Variants in MAGI3 observed in about 807,000 individuals in gnomAD.
MAGI3 encodes membrane associated guanylate kinase, WW and PDZ domain containing 3.
In MAGI3, 43 loss-of-function variants were observed where a neutral mutation model predicts 121.8. That is an observed-to-expected ratio of 0.35 (90% CI 0.28 to 0.46). MAGI3 has a LOEUF of 0.46. Among genes scored for constraint, MAGI3 ranks in the 20% least tolerant of loss-of-function variants. The pLI, the probability that MAGI3 is intolerant of heterozygous loss-of-function variation, is 1.00. For missense variants in MAGI3, 1,547 were observed against 1,797.3 expected (o/e 0.86, Z 2.52); for synonymous variants, 553 against 639.3 (o/e 0.86, Z 2.04).
rs1438988233 is a variant in MAGI3, at chr1:113,684,169, GGATT to G, written c.*157_*160del. On this transcript the variant is annotated 3_prime_UTR_variant, in exon 21 of 21. Coordinates refer to ENST00000307546, the MANE Select transcript of MAGI3 (RefSeq NM_001142782.2). Reference sequence around the variant, plus strand: ...ACCTAGGCTGCATGAAGGGCCTTTAGGATTGCTAAGAACCAACTGTCCCCCTGGC... The same window carrying G: ...ACCTAGGCTGCATGAAGGGCCTTTAGGCTAAGAACCAACTGTCCCCCTGGC... 143 of 829,762 alleles carry G rather than the reference GGATT, an allele frequency of 1.7e-4. No homozygotes were observed. Among genetic ancestry groups the G allele is most frequent in the Non-Finnish European group, 5.2e-6 (3 of 571,998 alleles). The allele number at this position is 829,762 out of a possible 1,614,324, so 51.4% of individuals were successfully genotyped here. A position where few individuals can be genotyped will look rare whatever the true frequency, so the allele number is the denominator to read the frequency against.
intron 1 of MAGI3, among the ~76,000 whole-genome samples, chr1:113,448,494 T>C (rs1036629792): frequency 1.3e-5 from 2 of 152,220 alleles, no homozygotes; most frequent in African/African-American, 4.8e-5. Context: ...TGTTTTTTAA[T>C]TGATAAATAA....
chr1:113,479,684 A>T (rs1034403616), intron 1 of MAGI3, among the ~76,000 whole-genome samples: 1 of 152,138 alleles, frequency 6.6e-6, no homozygotes, highest in Admixed American at 6.6e-5. Flanking sequence ...CTTTAAATAA[A>T]CTTTATGCCC....
At chr1:113,505,105 A>T (rs1042619363) in intron 1 of MAGI3, among the ~76,000 whole-genome samples, 5 of 152,132 alleles carry the variant, frequency 3.3e-5, no homozygotes, top group Non-Finnish European at 7.4e-5. Context: ...TTAGAGAGTT[A>T]TAATAATACA....
chr1:113,480,481 G>A (rs1656056936), intron 1 of MAGI3, among the ~76,000 whole-genome samples: 1 of 152,116 alleles, frequency 6.6e-6, no homozygotes. Context: ...TGGGTCCACA[G>A]GGGTTGACCT....
At chr1:113,583,600 G>A (rs1002895170) in intron 3 of MAGI3, among the ~76,000 whole-genome samples, 8 of 152,014 alleles carry the variant, frequency 5.3e-5, no homozygotes, top group African/African-American at 1.7e-4. Flanking sequence ...TTGATACTGT[G>A]ATTAATGGGC....
intron 1 of MAGI3, chr1:113,403,881 A>G (rs956874749): frequency 7.2e-5 from 11 of 152,116 alleles, no homozygotes; most frequent in African/African-American, 2.7e-4. Context: ...GGCATACTAC[A>G]AGGAGGAAGT....
At chr1:113,540,356 C>T (rs1170066225) in intron 1 of MAGI3, among the ~76,000 whole-genome samples, 1 of 152,184 alleles carries the variant, frequency 6.6e-6, no homozygotes. Context: ...GAAGCAGACA[C>T]GTACCCACTG....
intron 1 of MAGI3, among the ~76,000 whole-genome samples, chr1:113,505,637 A>G (rs1316068108): frequency 1.3e-5 from 2 of 152,056 alleles, no homozygotes; most frequent in Non-Finnish European, 2.9e-5. Context: ...GGAAGGGAAA[A>G]GGAGAGGAGG....
chr1:113,651,486 C>T (rs181382983), intron 14 of MAGI3, among the ~76,000 whole-genome samples: 26 of 151,978 alleles, frequency 1.7e-4, no homozygotes, highest in African/African-American at 3.9e-4. Context: ...GATTTAAATC[C>T]GGTTTTGTTT....
At chr1:113,679,118 T>G (rs1648050459) in intron 19 of MAGI3, among the ~76,000 whole-genome samples, 1 of 152,182 alleles carries the variant, frequency 6.6e-6, no homozygotes, top group Non-Finnish European at 1.5e-5. Context: ...TTTTAATAAG[T>G]TCAGTGCGGC....
rs747763960 is a variant in MAGI3, at chr1:113,622,918, T to C, written c.1284T>C (p.Asp428=). The change falls in exon 9 of 21, where the codon GAT becomes GAC. Residue 428 remains aspartate (D), a synonymous_variant. Coordinates refer to ENST00000307546, the MANE Select transcript of MAGI3 (RefSeq NM_001142782.2). ...TTGGTTTTACTATTATTGGTGGAGATAGACCTGATGAGTTCCTACAAGTGA... is the reference window on the plus strand; with the variant it reads ...TTGGTTTTACTATTATTGGTGGAGACAGACCTGATGAGTTCCTACAAGTGA... ...MGFGFTIIGG[D]RPDEFLQVKN... 6 of 1,598,370 alleles carry C rather than the reference T, an allele frequency of 3.8e-6. No individual in the cohort carries two copies. The highest frequency in any genetic ancestry group is 1.4e-5 in the African/African-American group (1 of 73,936).
At chr1:113,449,263 A>G (rs1474047202) in intron 1 of MAGI3, among the ~76,000 whole-genome samples, 1 of 152,142 alleles carries the variant, frequency 6.6e-6, no homozygotes. Context: ...ATGACGTCAC[A>G]GTGGAATAGC....
chr1:113,464,533 C>G lies in MAGI3; in HGVS notation c.316+73184C>G, dbSNP rs142601575. On this transcript the variant is annotated intron_variant, in intron 1 of 20. Coordinates refer to ENST00000307546, the MANE Select transcript of MAGI3 (RefSeq NM_001142782.2). Reference sequence around the variant, plus strand: ...ATACCCAGTAGTGGAATGGCTTGATCATATGGTAGTTCTATTTTTTATTTC... The same window carrying G: ...ATACCCAGTAGTGGAATGGCTTGATGATATGGTAGTTCTATTTTTTATTTC... Among the ~76,000 whole-genome samples, 457 of 152,202 alleles carry G rather than the reference C, an allele frequency of 3.0e-3. 12 individuals are homozygous for G. Among genetic ancestry groups the G allele is most frequent in the Admixed American group, 0.02 (307 of 15,288 alleles).
At chr1:113,638,676 C>A (rs925217547) in intron 9 of MAGI3, among the ~76,000 whole-genome samples, 17 of 152,328 alleles carry the variant, frequency 1.1e-4, no homozygotes, top group African/African-American at 3.4e-4. Flanking sequence ...GCTCAGGGGT[C>A]AGGGGTCAGG....
intron 1 of MAGI3, among the ~76,000 whole-genome samples, chr1:113,524,391 A>G (rs1284367059): frequency 2.0e-5 from 3 of 152,120 alleles, no homozygotes; most frequent in African/African-American, 7.2e-5. Flanking sequence ...ACACCAGCCC[A>G]TGAAAACAGC....
chr1:113,610,351 G>A (rs1051882314), intron 6 of MAGI3, among the ~76,000 whole-genome samples: 1 of 152,012 alleles, frequency 6.6e-6, no homozygotes, highest in African/African-American at 2.4e-5. Context: ...TCCATCTGCC[G>A]CTTAAAATGT....
intron 6 of MAGI3, among the ~76,000 whole-genome samples, chr1:113,613,590 C>T (rs1327392558): frequency 6.6e-6 from 1 of 152,124 alleles, no homozygotes; most frequent in Non-Finnish European, 1.5e-5. Context: ...TGTTTGCTGT[C>T]CAGCGTACTT....
intron 1 of MAGI3, among the ~76,000 whole-genome samples, chr1:113,463,677 G>A (rs189093753): frequency 6.6e-6 from 1 of 152,026 alleles, no homozygotes; most frequent in African/African-American, 2.4e-5. Context: ...GTGAAGGCGG[G>A]GGAGAGATGG....
chr1:113,408,414 A>G (rs1227948347), intron 1 of MAGI3, among the ~76,000 whole-genome samples: 1 of 152,118 alleles, frequency 6.6e-6, no homozygotes, highest in Non-Finnish European at 1.5e-5. Context: ...AGGAGTGAAA[A>G]TAAGCTGTTT....
Sources: gnomAD v4.1 joint callset for allele counts (sites outside exome capture counted in the v4.1 genomes callset) on GRCh38, gnomAD v4.1.1 for gene constraint, MANE v1.5 for transcripts, NCBI Gene and HGNC (gene_info 2026-07-23, HGNC 2026-07-21) for gene names.